CCNY: variants seen among roughly 807,000 people sequenced by gnomAD.
CCNY encodes the protein cyclin-Y.
In CCNY, 19 loss-of-function variants were observed where a neutral mutation model predicts 42.8. That is an observed-to-expected ratio of 0.44 (90% confidence interval 0.31 to 0.65). The LOEUF (loss-of-function observed/expected upper bound fraction) is 0.65, where lower values mean the gene tolerates loss of function less well. CCNY is among the 30% of genes least tolerant of loss of function. CCNY has a pLI of 0.07. For synonymous variants in CCNY, 165 were observed against 162.7 expected (o/e 1.01, Z -0.11); for missense variants, 370 against 437.3 (o/e 0.85, Z 1.37).
intron 7 of CCNY, among the ~76,000 whole-genome samples, chr10:35,531,348 G>A (rs548844940): frequency 2.6e-4 from 40 of 152,334 alleles, no homozygotes; most frequent in Admixed American, 9.8e-4. Context: ...TGTGTGCTCC[G>A]AGGCTAACTG....
chr10:35,403,498 G>A (rs1029755314), intron 1 of CCNY, among the ~76,000 whole-genome samples: 1 of 152,150 alleles, frequency 6.6e-6, no homozygotes, highest in African/African-American at 2.4e-5. Flanking sequence ...CAGCATAAGC[G>A]TTGCCCTGAG....
intron 3 of CCNY, among the ~76,000 whole-genome samples, chr10:35,315,885 C>T (rs981889010): frequency 3.3e-5 from 5 of 152,220 alleles, no homozygotes; most frequent in South Asian, 2.1e-4. Flanking sequence ...CATCTGTCTC[C>T]GTTACTCTTT....
Position 35,419,533 on chromosome 10 carries a change from C to CTTTTTTTTTTTTTTTTT in CCNY, c.155-63856_155-63855insTTTTTTTTTTTTTTTTT, listed in dbSNP as rs34429228. Among the ~76,000 whole-genome samples the CTTTTTTTTTTTTTTTTT allele has an allele frequency of 6.2e-4, 81 of 129,662 alleles. 2 individuals are homozygous for CTTTTTTTTTTTTTTTTT. The highest frequency in any genetic ancestry group is 1.0e-3 in the African/African-American group (33 of 31,726). 85.1% of individuals were successfully genotyped at this position (129,662 alleles called of 152,430 possible). The stretch of plus-strand genomic sequence containing the variant: ...AGGACTGGGTTGCATTAGACCGTTC[C>CTTTTTTTTTTTTTTTTT]TTTTTTTTTTTTTTTAGCAATCTGG... On this transcript the variant is annotated intron_variant, in intron 1 of 9. Coordinates refer to ENST00000374704, the MANE Select transcript of CCNY (RefSeq NM_145012.6).
chr10:35,511,266 C>G (rs976944325), intron 3 of CCNY, among the ~76,000 whole-genome samples: 9 of 152,276 alleles, frequency 5.9e-5, no homozygotes, highest in Middle Eastern at 6.8e-3. Flanking sequence ...CAAGAAAATA[C>G]CAGTCTGTAC....
chr10:35,262,461 C>A (rs11010149), intron 3 of CCNY, among the ~76,000 whole-genome samples: 1 of 151,516 alleles, frequency 6.6e-6, no homozygotes, highest in Non-Finnish European at 1.5e-5. Flanking sequence ...TGGGTTCAAG[C>A]AATTCTCTTG....
At chr10:35,488,823 T>A (rs1247568419) in intron 2 of CCNY, among the ~76,000 whole-genome samples, 1 of 152,210 alleles carries the variant, frequency 6.6e-6, no homozygotes, top group Non-Finnish European at 1.5e-5. Flanking sequence ...TTCAGTCCTT[T>A]AAAAATGTAT....
At chr10:35,344,892 A>G (rs1158468157) in intron 1 of CCNY, among the ~76,000 whole-genome samples, 1 of 152,206 alleles carries the variant, frequency 6.6e-6, no homozygotes, top group East Asian at 1.9e-4. Flanking sequence ...ATGTCCCTAC[A>G]AAGGACATGA....
chr10:35,270,639 T>C (rs12261552), intron 3 of CCNY, among the ~76,000 whole-genome samples: 25,058 of 152,132 alleles, frequency 0.16, 4,725 homozygotes, highest in African/African-American at 0.46. Context: ...CCAATCATGC[T>C]GTCGCTTTTT....
intron 3 of CCNY, among the ~76,000 whole-genome samples, chr10:35,284,825 T>C (rs933022976): frequency 6.6e-6 from 1 of 152,162 alleles, no homozygotes; most frequent in Non-Finnish European, 1.5e-5. Flanking sequence ...TCATTTTCAC[T>C]CAATTCAAAA....
At chr10:35,338,587 T>A (rs1346466682) in intron 1 of CCNY, among the ~76,000 whole-genome samples, 1 of 152,208 alleles carries the variant, frequency 6.6e-6, no homozygotes, top group Admixed American at 6.5e-5. Context: ...CTCTAGCACC[T>A]GAAAGAAAAG....
chr10:35,309,071 G>C (rs536376553), intron 3 of CCNY, among the ~76,000 whole-genome samples: 1 of 152,298 alleles, frequency 6.6e-6, no homozygotes, highest in East Asian at 1.9e-4. Context: ...GACAGACAGA[G>C]ACTGGGGTAT....
At position 35,471,372 on chromosome 10, in the gene CCNY, T is replaced by G. The variant is rs116711877; in HGVS notation, c.155-12032T>G. On this transcript the variant is annotated intron_variant, in intron 1 of 9. Coordinates refer to ENST00000374704, the MANE Select transcript of CCNY (RefSeq NM_145012.6). ...TTCTGCTTTACTTTTTACTAGTTTT[T>G]CAGACCATTAATGATAGCTTATGAT... Among the ~76,000 whole-genome samples the G allele has an allele frequency of 3.6e-3, 545 of 152,318 alleles. 2 individuals carry two copies. Among genetic ancestry groups the G allele is most frequent in the African/African-American group, 0.013 (524 of 41,570 alleles).
At chr10:35,476,987 C>T (rs1226555674) in intron 1 of CCNY, among the ~76,000 whole-genome samples, 4 of 150,814 alleles carry the variant, frequency 2.7e-5, no homozygotes, top group Non-Finnish European at 4.4e-5. Context: ...TACAAACTAC[C>T]ATCAGAGAAT....
intron 1 of CCNY, among the ~76,000 whole-genome samples, chr10:35,453,100 C>T (rs1386770796): frequency 1.3e-5 from 2 of 152,298 alleles, no homozygotes; most frequent in South Asian, 2.1e-4. Context: ...TCAGCCACAG[C>T]GTCCAACTAA....
At chr10:35,260,677 G>T (rs1391064087) in intron 3 of CCNY, among the ~76,000 whole-genome samples, 2 of 152,192 alleles carry the variant, frequency 1.3e-5, no homozygotes, top group African/African-American at 2.4e-5. Flanking sequence ...GCCAGGCAGG[G>T]ACTGTCACCA....
At chr10:35,448,502 T>C (rs1294382983) in intron 1 of CCNY, among the ~76,000 whole-genome samples, 2 of 152,180 alleles carry the variant, frequency 1.3e-5, no homozygotes, top group South Asian at 2.1e-4. Flanking sequence ...TGTGTAAAAT[T>C]CTTAAAATGG....
At chr10:35,558,372 T>G (rs934530606) in intron 8 of CCNY, among the ~76,000 whole-genome samples, 2 of 152,182 alleles carry the variant, frequency 1.3e-5, no homozygotes, top group Non-Finnish European at 2.9e-5. Context: ...GAAATGAAAG[T>G]TACAGATCTA....
chr10:35,528,713 G>T (rs1298230878), intron 5 of CCNY, among the ~76,000 whole-genome samples: 3 of 152,158 alleles, frequency 2.0e-5, no homozygotes, highest in African/African-American at 7.2e-5. Context: ...GACAGAGCAA[G>T]ACTCCGTCTC....
chr10:35,358,034 T>C (rs1407192760), intron 1 of CCNY, among the ~76,000 whole-genome samples: 3 of 152,206 alleles, frequency 2.0e-5, no homozygotes, highest in Non-Finnish European at 4.4e-5. Flanking sequence ...CCTTCAGTGC[T>C]TCCTTAATTT....
Sources: gnomAD v4.1 joint callset for allele counts (sites outside exome capture counted in the v4.1 genomes callset) on GRCh38, gnomAD v4.1.1 for gene constraint, MANE v1.5 for transcripts, NCBI Gene and HGNC (gene_info 2026-07-23, HGNC 2026-07-21) for gene names.